Variants in PPM1L observed in about 807,000 individuals in gnomAD.
PPM1L encodes the protein protein phosphatase 1L.
Under a neutral mutation model 31.4 loss-of-function variants are expected in PPM1L, and 13 were observed. That is an observed-to-expected ratio of 0.41 (90% CI 0.27 to 0.66). The LOEUF is 0.66. Ranked by LOEUF, PPM1L falls within the 30% of genes least tolerant of loss-of-function variation. The probability of loss-of-function intolerance (pLI) is 0.29; values close to 1 mark genes in which losing one functional copy is unlikely to be tolerated. For missense variants in PPM1L, 326 were observed against 453.7 expected, an observed-to-expected ratio of 0.72 and a Z score of 2.56; for synonymous variants, 184 against 175.4, an observed-to-expected ratio of 1.05 and a Z score of -0.39.
chr3:160,987,045 C>T (rs1213634553), intron 2 of PPM1L, among the ~76,000 whole-genome samples: 1 of 152,118 alleles, frequency 6.6e-6, no homozygotes, highest in African/African-American at 2.4e-5. Flanking sequence ...TTCATAAGAA[C>T]CTGAGCTGTA....
At chr3:160,841,956 G>T (rs1713894708) in intron 1 of PPM1L, among the ~76,000 whole-genome samples, 1 of 152,106 alleles carries the variant, frequency 6.6e-6, no homozygotes, top group Admixed American at 6.6e-5. Flanking sequence ...ATATTAATTT[G>T]TTCCTGGTTA....
chr3:160,948,616 G>T (rs1485884471), intron 1 of PPM1L, among the ~76,000 whole-genome samples: 2 of 152,222 alleles, frequency 1.3e-5, no homozygotes, highest in East Asian at 3.9e-4. Flanking sequence ...AGGATTCCAG[G>T]TGCTCCCTTG....
chr3:161,043,035 T>A (rs1388375300), intron 2 of PPM1L, among the ~76,000 whole-genome samples: 1 of 119,092 alleles, frequency 8.4e-6, no homozygotes, highest in Non-Finnish European at 1.7e-5. Context: ...AAAAAAAAAA[T>A]TGTTATTTTT....
At chr3:160,841,600 T>C (rs1179350937) in intron 1 of PPM1L, among the ~76,000 whole-genome samples, 2 of 152,176 alleles carry the variant, frequency 1.3e-5, no homozygotes, top group African/African-American at 2.4e-5. Context: ...TGGACTTTCT[T>C]ATAATTCTTT....
At chr3:160,797,483 C>T (rs770368642) in intron 1 of PPM1L, among the ~76,000 whole-genome samples, 2 of 152,158 alleles carry the variant, frequency 1.3e-5, no homozygotes, top group Non-Finnish European at 2.9e-5. Flanking sequence ...AAGAATCCCA[C>T]GTCTCTCACT....
Position 161,078,210 on chromosome 3 carries a change from G to C in PPM1L, c.*9053G>C. ...TGGAAAGGAGGAAAGCACAGAGTGA[G>C]GAGAGAAAAAGGGGAAGGAAAAAAA... is the stretch of plus-strand genomic sequence containing the variant. On this transcript the variant is annotated 3_prime_UTR_variant, in exon 4 of 4. Transcript: ENST00000498165. 1 of 152,134 alleles carries C rather than the reference G, an allele frequency of 6.6e-6. No individual in the cohort carries two copies. The highest frequency in any genetic ancestry group is 2.1e-4 in the South Asian group (1 of 4,826). The allele number at this position is 152,134 out of a possible 1,614,324, so 9.4% of individuals were successfully genotyped here.
intron 2 of PPM1L, among the ~76,000 whole-genome samples, chr3:160,966,632 T>C (rs1289267858): frequency 6.6e-6 from 1 of 152,168 alleles, no homozygotes; most frequent in African/African-American, 2.4e-5. Flanking sequence ...GATTCATTTG[T>C]CTGCATTTTA....
At chr3:161,016,476 G>A (rs534820041) in intron 2 of PPM1L, among the ~76,000 whole-genome samples, 68 of 152,262 alleles carry the variant, frequency 4.5e-4, no homozygotes, top group African/African-American at 1.4e-3. Context: ...GATATGGAAC[G>A]CTGAAGAAGG....
chr3:160,787,297 C>G (rs1711963622), intron 1 of PPM1L, among the ~76,000 whole-genome samples: 1 of 152,160 alleles, frequency 6.6e-6, no homozygotes, highest in Admixed American at 6.5e-5. Flanking sequence ...AATCACCATT[C>G]TGACTGGTGT....
chr3:160,926,521 A>G (rs1467304269), intron 1 of PPM1L, among the ~76,000 whole-genome samples: 4 of 152,190 alleles, frequency 2.6e-5, no homozygotes, highest in African/African-American at 7.2e-5. Flanking sequence ...TTTTAAAGCC[A>G]AGGACTTCTT....
intron 1 of PPM1L, among the ~76,000 whole-genome samples, chr3:160,927,660 A>G (rs1714647233): frequency 2.0e-5 from 3 of 152,062 alleles, no homozygotes; most frequent in Admixed American, 2.0e-4. Flanking sequence ...ATGCACGTAA[A>G]TGCGTGTTAG....
At chr3:160,926,117 A>C (rs1263482205) in intron 1 of PPM1L, among the ~76,000 whole-genome samples, 4 of 152,180 alleles carry the variant, frequency 2.6e-5, no homozygotes, top group Non-Finnish European at 5.9e-5. Flanking sequence ...ACCTATGTAA[A>C]TACAGCCAGA....
chr3:161,029,143 C>G (rs1718490712), intron 2 of PPM1L, among the ~76,000 whole-genome samples: 1 of 152,122 alleles, frequency 6.6e-6, no homozygotes, highest in South Asian at 2.1e-4. Context: ...TCTGAAAGGG[C>G]AGATATGGAT....
At chr3:160,916,994 T>C (rs924936528) in intron 1 of PPM1L, among the ~76,000 whole-genome samples, 13 of 152,242 alleles carry the variant, frequency 8.5e-5, no homozygotes, top group African/African-American at 2.9e-4. Context: ...TTATGCATTG[T>C]TCCAAGCTAA....
intron 1 of PPM1L, among the ~76,000 whole-genome samples, chr3:160,932,110 CA>C (rs1036524436): frequency 1.3e-5 from 2 of 150,536 alleles, no homozygotes; most frequent in African/African-American, 2.4e-5. Flanking sequence ...TATGTTTTCT[CA>C]AAAAAAAATT....
chr3:160,968,417 T>G (rs1460354871), intron 2 of PPM1L, among the ~76,000 whole-genome samples: 1 of 152,218 alleles, frequency 6.6e-6, no homozygotes, highest in African/African-American at 2.4e-5. Flanking sequence ...AATAGCATTT[T>G]ACACTGTCCA....
intron 1 of PPM1L, among the ~76,000 whole-genome samples, chr3:160,960,456 G>T (rs1715921163): frequency 6.6e-6 from 1 of 151,958 alleles, no homozygotes; most frequent in South Asian, 2.1e-4. Flanking sequence ...AACACTATGG[G>T]TTTTTCTTTT....
chr3:160,860,084 A>G (rs535128834), intron 1 of PPM1L, among the ~76,000 whole-genome samples: 4 of 152,292 alleles, frequency 2.6e-5, no homozygotes, highest in Admixed American at 6.5e-5. Context: ...AGTGAGTGTC[A>G]TTGGTGATTT....
chr3:161,027,543 T>C (rs1337436932), intron 2 of PPM1L, among the ~76,000 whole-genome samples: 1 of 152,150 alleles, frequency 6.6e-6, no homozygotes, highest in African/African-American at 2.4e-5. Flanking sequence ...CTCCTTCTTA[T>C]AGAACCATCA....
Sources: gnomAD v4.1 joint callset for allele counts (sites outside exome capture counted in the v4.1 genomes callset) on GRCh38, gnomAD v4.1.1 for gene constraint, MANE v1.5 for transcripts, NCBI Gene and HGNC (gene_info 2026-07-23, HGNC 2026-07-21) for gene names.